Variants in EDA observed in about 807,000 individuals in gnomAD.
The protein encoded by EDA is ectodysplasin A.
In EDA, 2 loss-of-function variants were observed where a neutral mutation model predicts 23.6. The ratio of observed to expected loss-of-function variants is 0.08; its 90% CI spans 0.03 to 0.27. The LOEUF (loss-of-function observed/expected upper bound fraction) is 0.27. EDA is among the 10% of genes least tolerant of loss of function. EDA has a pLI of 1.00. For missense variants in EDA, 229 were observed against 324.2 expected (o/e 0.71, Z 2.26); for synonymous variants, 131 against 132.0 (o/e 0.99, Z 0.05).
intron 1 of EDA, among the ~76,000 whole-genome samples, chrX:69,888,340 AATC>A (rs1293002461): frequency 9.0e-6 from 1 of 110,710 alleles, no homozygotes; most frequent in African/African-American, 3.3e-5. Context: ...CACCATAGAA[AATC>A]ATCATATCAC....
intron 1 of EDA, among the ~76,000 whole-genome samples, chrX:69,660,786 G>A (rs1402219089): frequency 1.8e-5 from 2 of 111,495 alleles, no homozygotes; most frequent in Non-Finnish European, 1.9e-5. Flanking sequence ...ATTGTGAATA[G>A]TGCCGCAATA....
intron 1 of EDA, among the ~76,000 whole-genome samples, chrX:69,663,141 T>C (rs1462480330): frequency 8.9e-6 from 1 of 112,047 alleles, no homozygotes; most frequent in East Asian, 2.8e-4. Context: ...GCTGCAGAAA[T>C]TTACATAAGT....
intron 1 of EDA, among the ~76,000 whole-genome samples, chrX:69,693,569 T>C (rs1934771613): frequency 9.0e-6 from 1 of 111,555 alleles, no homozygotes; most frequent in South Asian, 3.8e-4. Context: ...ACTTCCCCAT[T>C]GTAAATAAGC....
chrX:70,001,001 T>G (rs2019733029), intron 2 of EDA, among the ~76,000 whole-genome samples: 1 of 111,939 alleles, frequency 8.9e-6, no homozygotes, highest in Admixed American at 9.5e-5. Context: ...AGACACTGCC[T>G]TTATGGAGAA....
intron 1 of EDA, among the ~76,000 whole-genome samples, chrX:69,681,409 C>A (rs1275252326): frequency 9.0e-6 from 1 of 111,212 alleles, no homozygotes; most frequent in African/African-American, 3.3e-5. Context: ...TAATATCCTG[C>A]AGAGTGTTTT....
At chrX:69,749,938 T>A (rs1329934403) in intron 1 of EDA, among the ~76,000 whole-genome samples, 1 of 102,512 alleles carries the variant, frequency 9.8e-6, no homozygotes, top group Non-Finnish European at 2.0e-5. Context: ...TTTTTTTTTT[T>A]TTTTTTTTTT....
intron 2 of EDA, among the ~76,000 whole-genome samples, chrX:69,990,032 A>G (rs181277715): frequency 9.7e-6 from 1 of 102,852 alleles, no homozygotes; most frequent in African/African-American, 3.6e-5. Flanking sequence ...ATATAATTCT[A>G]TCATCTCTGT....
chrX:69,971,722 A>G (rs865844396), intron 2 of EDA, among the ~76,000 whole-genome samples: 1 of 110,053 alleles, frequency 9.1e-6, no homozygotes, highest in Non-Finnish European at 1.9e-5. Flanking sequence ...GGCCTTTTTC[A>G]TGTGCTTCTC....
At chrX:69,653,460 C>T (rs938258426) in intron 1 of EDA, among the ~76,000 whole-genome samples, 8 of 110,748 alleles carry the variant, frequency 7.2e-5, no homozygotes, top group African/African-American at 2.6e-4. Context: ...AATTGAATAC[C>T]CTTTATTTCC....
chrX:69,718,777 TTGTC>T (rs2012451440), intron 1 of EDA, among the ~76,000 whole-genome samples: 1 of 111,342 alleles, frequency 9.0e-6, no homozygotes, highest in South Asian at 3.8e-4. Flanking sequence ...TATATTTTCT[TTGTC>T]TGGTTTTGGT....
At chrX:69,914,979 C>A (rs1315442096) in intron 1 of EDA, among the ~76,000 whole-genome samples, 1 of 111,977 alleles carries the variant, frequency 8.9e-6, no homozygotes, top group African/African-American at 3.2e-5. Flanking sequence ...TTTCCAATGA[C>A]CTTTTTGAAT....
intron 1 of EDA, among the ~76,000 whole-genome samples, chrX:69,910,985 T>C (rs949156408): frequency 1.8e-5 from 2 of 112,110 alleles, no homozygotes; most frequent in Non-Finnish European, 3.8e-5. Context: ...AAAAACATAT[T>C]GTATACTGGA....
chrX:69,947,953 A>G (rs573773212), intron 1 of EDA, among the ~76,000 whole-genome samples: 2 of 111,760 alleles, frequency 1.8e-5, no homozygotes, highest in South Asian at 7.6e-4. Flanking sequence ...GTTTCTAATA[A>G]CTCATCTTTC....
chrX:69,972,227 T>A (rs1398910483), intron 2 of EDA, among the ~76,000 whole-genome samples: 1 of 111,723 alleles, frequency 9.0e-6, no homozygotes, highest in Non-Finnish European at 1.9e-5. Flanking sequence ...TATCTCCCCT[T>A]CTTCTCCCAA....
intron 1 of EDA, among the ~76,000 whole-genome samples, chrX:69,690,354 A>G (rs1301221318): frequency 9.0e-6 from 1 of 111,154 alleles, no homozygotes; most frequent in Non-Finnish European, 1.9e-5. Context: ...TTATCATGAG[A>G]GAGGGTATTG....
At chrX:69,777,450 C>T (rs2214066) in intron 1 of EDA, among the ~76,000 whole-genome samples, 33,294 of 110,364 alleles carry the variant, frequency 0.3, 4,745 homozygotes, top group Middle Eastern at 0.54. Context: ...TTAGAAGTTA[C>T]CACCGTGGAT....
intron 1 of EDA, among the ~76,000 whole-genome samples, chrX:69,790,048 T>C (rs905422841): frequency 3.6e-5 from 4 of 112,005 alleles, no homozygotes; most frequent in South Asian, 3.7e-4. Context: ...TACTTTTGGC[T>C]TATCAGCATG....
Position 69,794,349 on chromosome X carries a change from G to A in EDA, c.397-162678G>A, listed in dbSNP as rs753885978. ...CTTTAAGTAAGGGATATTGTGATCA[G>A]CTTCACATTAAAACAATTTTAAACA... On this transcript the variant is annotated intron_variant, in intron 1 of 7. Coordinates refer to ENST00000374552, the MANE Select transcript of EDA (RefSeq NM_001399.5). 3.6e-5 allele frequency among the ~76,000 whole-genome samples: 4 copies of A among 112,021 alleles called. No homozygotes were observed. In the South Asian group the frequency reaches 1.5e-3, roughly 42 times the overall value.
rs958945987 is a variant in EDA at position 69,646,659 on chromosome X, A to G, written c.396+29955A>G. ...AGTTTGCCATTCTGTGTGTCTTTTA[A>G]TTGAGTCATTTAGCCCATTTACATT... On this transcript the variant is annotated intron_variant, in intron 1 of 7. Coordinates refer to ENST00000374552, the MANE Select transcript of EDA (RefSeq NM_001399.5). Among the ~76,000 whole-genome samples, 3 of 111,684 alleles carry G rather than the reference A, an allele frequency of 2.7e-5. No homozygotes were observed. In the East Asian group the frequency reaches 8.4e-4, roughly 31 times the overall value.
Sources: allele counts gnomAD v4.1 joint callset (sites outside exome capture counted in the v4.1 genomes callset), GRCh38; gene constraint gnomAD v4.1.1; transcripts MANE v1.5; gene names NCBI Gene and HGNC (gene_info 2026-07-23, HGNC 2026-07-21).